The following CPPED1 variants were observed in gnomAD, a reference collection of about 807,000 sequenced individuals.
The protein encoded by CPPED1 is calcineurin like phosphoesterase domain containing 1.
Under a neutral mutation model 28.0 loss-of-function variants are expected in CPPED1, and 28 were observed. The ratio of observed to expected loss-of-function variants is 1.00; its 90% CI spans 0.74 to 1.37. The LOEUF (loss-of-function observed/expected upper bound fraction) is 1.37, where lower values mean the gene tolerates loss of function less well. Among genes scored for constraint, CPPED1 ranks in the 40% most tolerant of loss-of-function variants. CPPED1 has a pLI of 0.00. For missense variants in CPPED1, 504 were observed against 416.5 expected, an observed-to-expected ratio of 1.21 and a Z score of -1.83; for synonymous variants, 198 against 180.2, an observed-to-expected ratio of 1.10 and a Z score of -0.79.
At chr16:12,802,328 G>A (rs113892480) in intron 1 of CPPED1, among the ~76,000 whole-genome samples, 3,433 of 152,288 alleles carry the variant, frequency 0.023, 88 homozygotes, top group African/African-American at 0.064. Context: ...CAGGCCGGGC[G>A]CGGTGGCTCA....
chr16:12,722,590 G>C (rs2080147306), intron 2 of CPPED1, among the ~76,000 whole-genome samples: 1 of 152,186 alleles, frequency 6.6e-6, no homozygotes, highest in Non-Finnish European at 1.5e-5. Context: ...ACAAAAATTA[G>C]TTAGGTGTGG....
intron 2 of CPPED1, among the ~76,000 whole-genome samples, chr16:12,767,714 T>G (rs1338392854): frequency 6.6e-6 from 1 of 152,074 alleles, no homozygotes; most frequent in Non-Finnish European, 1.5e-5. Flanking sequence ...ATCCCAGCAC[T>G]TGGGAGGCTG....
intron 3 of CPPED1, among the ~76,000 whole-genome samples, chr16:12,695,264 T>C (rs961993676): frequency 1.3e-5 from 2 of 152,182 alleles, no homozygotes; most frequent in African/African-American, 4.8e-5. Flanking sequence ...ATATTTTATT[T>C]TTATTTACTT....
chr16:12,729,142 A>G (rs1359783745), intron 2 of CPPED1, among the ~76,000 whole-genome samples: 1 of 152,236 alleles, frequency 6.6e-6, no homozygotes, highest in Non-Finnish European at 1.5e-5. Context: ...AGAGTCCAGC[A>G]TATATCATTA....
At chr16:12,772,778 T>G (rs988104487) in intron 2 of CPPED1, among the ~76,000 whole-genome samples, 1 of 152,304 alleles carries the variant, frequency 6.6e-6, no homozygotes, top group Middle Eastern at 3.4e-3. Flanking sequence ...ACTTTGCAGA[T>G]CCATAAGCTC....
chr16:12,762,546 C>A (rs2141227603), intron 2 of CPPED1, among the ~76,000 whole-genome samples: 1 of 152,224 alleles, frequency 6.6e-6, no homozygotes, highest in African/African-American at 2.4e-5. Context: ...CATGGATAAA[C>A]CCTGAAAACA....
At chr16:12,705,310 G>C (rs2080044167) in intron 2 of CPPED1, among the ~76,000 whole-genome samples, 1 of 152,158 alleles carries the variant, frequency 6.6e-6, no homozygotes, top group Non-Finnish European at 1.5e-5. Flanking sequence ...GAGTGATGGT[G>C]TGAAGTCAAT....
At chr16:12,696,654 G>A (rs984776933) in intron 3 of CPPED1, among the ~76,000 whole-genome samples, 11 of 151,974 alleles carry the variant, frequency 7.2e-5, no homozygotes, top group Admixed American at 1.3e-4. Context: ...TGTTGGCCAG[G>A]CTGGTCTCGA....
intron 3 of CPPED1, among the ~76,000 whole-genome samples, chr16:12,696,147 A>G (rs769153967): frequency 5.3e-5 from 8 of 152,104 alleles, no homozygotes; most frequent in Non-Finnish European, 1.2e-4. Context: ...TTTACTTCCT[A>G]TAGTTTGCAT....
chr16:12,784,279 TG>T (rs1479844512), intron 1 of CPPED1, among the ~76,000 whole-genome samples: 1 of 152,210 alleles, frequency 6.6e-6, no homozygotes, highest in East Asian at 1.9e-4. Context: ...TGAGTCAGCT[TG>T]GAAGAGGACA....
chr16:12,743,237 C>T (rs984964550), intron 2 of CPPED1, among the ~76,000 whole-genome samples: 3 of 151,972 alleles, frequency 2.0e-5, no homozygotes, highest in African/African-American at 4.8e-5. Context: ...CTTTTCTGCA[C>T]AGAAAGACTA....
intron 3 of CPPED1, among the ~76,000 whole-genome samples, chr16:12,666,826 T>C (rs2079828314): frequency 6.6e-6 from 1 of 152,234 alleles, no homozygotes; most frequent in South Asian, 2.1e-4. Flanking sequence ...GTTTATATAA[T>C]TATTAATAAT....
intron 2 of CPPED1, among the ~76,000 whole-genome samples, chr16:12,741,111 A>T (rs1378416303): frequency 6.6e-6 from 1 of 152,206 alleles, no homozygotes; most frequent in African/African-American, 2.4e-5. Context: ...GGGCCCAATT[A>T]TGACAAAATA....
At chr16:12,799,322 T>C (rs537665123) in intron 1 of CPPED1, among the ~76,000 whole-genome samples, 14 of 151,098 alleles carry the variant, frequency 9.3e-5, no homozygotes, top group Non-Finnish European at 1.9e-4. Flanking sequence ...CTTGGCTTAC[T>C]GCAACCTCCG....
At chr16:12,754,586 T>C (rs148450595) in intron 2 of CPPED1, among the ~76,000 whole-genome samples, 51 of 152,346 alleles carry the variant, frequency 3.3e-4, no homozygotes, top group Non-Finnish European at 5.7e-4. Context: ...TCCTCCTGCA[T>C]AGTCTATTTA....
intron 1 of CPPED1, among the ~76,000 whole-genome samples, chr16:12,783,398 C>T (rs1330481392): frequency 2.6e-5 from 4 of 152,012 alleles, no homozygotes; most frequent in Non-Finnish European, 5.9e-5. Context: ...ACTTGGGAGG[C>T]TGAGGTGAGA....
intron 2 of CPPED1, among the ~76,000 whole-genome samples, chr16:12,726,081 G>A (rs566289849): frequency 3.3e-5 from 5 of 152,046 alleles, no homozygotes; most frequent in Non-Finnish European, 7.4e-5. Context: ...TCACTCTGTC[G>A]CCCAAGCTGG....
chr16:12,693,305 G>C (rs2079973000), intron 3 of CPPED1, among the ~76,000 whole-genome samples: 1 of 152,090 alleles, frequency 6.6e-6, no homozygotes, highest in Non-Finnish European at 1.5e-5. Flanking sequence ...AGGCTCAGGC[G>C]ATCCTCCCAC....
chr16:12,777,970 T>C (rs1009692539), intron 2 of CPPED1, among the ~76,000 whole-genome samples: 5 of 149,942 alleles, frequency 3.3e-5, no homozygotes, highest in Non-Finnish European at 7.4e-5. Flanking sequence ...AATGCAGTGG[T>C]GTAGTCTTGG....
Sources: allele counts gnomAD v4.1 joint callset (sites outside exome capture counted in the v4.1 genomes callset), GRCh38; gene constraint gnomAD v4.1.1; transcripts MANE v1.5; gene names NCBI Gene and HGNC (gene_info 2026-07-23, HGNC 2026-07-21).